DPYD: variants seen among roughly 807,000 people sequenced by gnomAD.
DPYD encodes the protein dihydropyrimidine dehydrogenase, also known as dihydropyrimidine dehydrogenase [NADP(+)].
Under a neutral mutation model 116.2 loss-of-function variants are expected in DPYD, and 109 were observed. That is an observed-to-expected ratio of 0.94 (90% CI 0.80 to 1.10). DPYD has a LOEUF of 1.10. DPYD is among the 50% of genes least tolerant of loss of function. DPYD has a pLI of 0.00. For synonymous variants in DPYD, 440 were observed against 432.0 expected, an observed-to-expected ratio of 1.02 and a Z score of -0.23; for missense variants, 1,302 against 1,254.5, an observed-to-expected ratio of 1.04 and a Z score of -0.57.
intron 14 of DPYD, among the ~76,000 whole-genome samples, chr1:97,418,464 C>A (rs931218342): frequency 3.3e-5 from 5 of 151,978 alleles, no homozygotes; most frequent in Non-Finnish European, 4.4e-5. Flanking sequence ...CCACACCCAG[C>A]TAATTTTTGT....
chr1:97,161,003 GC>G (rs1655854240), intron 20 of DPYD, among the ~76,000 whole-genome samples: 1 of 152,074 alleles, frequency 6.6e-6, no homozygotes, highest in African/African-American at 2.4e-5. Flanking sequence ...CCCAACCATA[GC>G]AAAGCCTGCT....
chr1:97,331,714 G>A (rs1430303112), intron 16 of DPYD, among the ~76,000 whole-genome samples: 1 of 152,124 alleles, frequency 6.6e-6, no homozygotes, highest in African/African-American at 2.4e-5. Context: ...TTTAGCTTTT[G>A]CTACAAATTA....
intron 8 of DPYD, among the ~76,000 whole-genome samples, chr1:97,651,501 T>G (rs1242559222): frequency 3.3e-5 from 5 of 152,174 alleles, no homozygotes; most frequent in Non-Finnish European, 5.9e-5. Context: ...AAGGCTGCCG[T>G]TCATTAATCA....
In DPYD at chr1:97,505,861, A is replaced by G. The variant is rs556893001; in HGVS notation, c.1740+9865T>C. Among the ~76,000 whole-genome samples, 23 of 152,092 alleles carry G rather than the reference A, an allele frequency of 1.5e-4. No individual in the cohort carries two copies. The South Asian group carries it at 4.6e-3, about 30-fold the overall frequency. The stretch of plus-strand genomic sequence containing the variant: ...AGAAACTGTTTCAGACACATGAGAT[A>G]TTGTAGAAAAACATGCAAATGAGGA... On this transcript the variant is annotated intron_variant, in intron 13 of 22. Transcript: ENST00000370192.
At chr1:97,318,727 G>A (rs1270410255) in intron 16 of DPYD, among the ~76,000 whole-genome samples, 33 of 148,664 alleles carry the variant, frequency 2.2e-4, no homozygotes, top group South Asian at 6.5e-4. Context: ...TGCACCAAGC[G>A]GACCTAATAG....
chr1:97,552,905 C>A (rs1651431363), intron 11 of DPYD, among the ~76,000 whole-genome samples: 1 of 151,920 alleles, frequency 6.6e-6, no homozygotes, highest in African/African-American at 2.4e-5. Context: ...GATCACACAG[C>A]TGGTTATGAG....
rs561361224 is a variant in DPYD, at chr1:97,822,593, A to G, written c.233+5521T>C. ...TAATATATTCCTAGAAGGTAAATTA[A>G]TACAAAAAAAAGTATGTTTGTTTTA... On this transcript the variant is annotated intron_variant, in intron 3 of 22. Coordinates refer to ENST00000370192, the MANE Select transcript of DPYD (RefSeq NM_000110.4). Among the ~76,000 whole-genome samples the G allele has an allele frequency of 1.2e-3, 187 of 152,108 alleles. No individual in the cohort carries two copies. In the Middle Eastern group the frequency reaches 0.024, roughly 19 times the overall value.
At chr1:97,565,259 A>G (rs1370479449) in intron 11 of DPYD, among the ~76,000 whole-genome samples, 1 of 151,458 alleles carries the variant, frequency 6.6e-6, no homozygotes, top group Non-Finnish European at 1.5e-5. Context: ...TTATTTTCTA[A>G]CCCCCAACTA....
chr1:97,550,376 T>C (rs12144202), intron 11 of DPYD, among the ~76,000 whole-genome samples: 4 of 152,132 alleles, frequency 2.6e-5, no homozygotes, highest in African/African-American at 4.8e-5. Context: ...CTTGTGGAAA[T>C]TGCTCTGTAA....
chr1:97,918,099 A>T (rs180767628), intron 1 of DPYD, among the ~76,000 whole-genome samples: 78 of 152,316 alleles, frequency 5.1e-4, no homozygotes, highest in African/African-American at 1.9e-3. Flanking sequence ...ACAAAGCAAA[A>T]TAACTTCTAA....
At chr1:97,845,860 A>C (rs914320272) in intron 2 of DPYD, among the ~76,000 whole-genome samples, 4 of 152,142 alleles carry the variant, frequency 2.6e-5, no homozygotes, top group African/African-American at 9.7e-5. Context: ...GTGTGGGTGC[A>C]TACAGCAGAT....
intron 3 of DPYD, among the ~76,000 whole-genome samples, chr1:97,807,072 A>G (rs372388125): frequency 4.0e-4 from 61 of 152,188 alleles, no homozygotes; most frequent in African/African-American, 1.3e-3. Context: ...TCTAAAGAAC[A>G]TATTGGTTAG....
In DPYD at chr1:97,482,665, C is replaced by T. The variant is rs965980696; in HGVS notation, c.1741-32442G>A. ...GACAGCAAATTTAGTTTTTGTAATA[C>T]GAGTAGCCATTAAAGAGAACAGTTA... On this transcript the variant is annotated intron_variant, in intron 13 of 22. Transcript: ENST00000370192. Among the ~76,000 whole-genome samples the T allele has an allele frequency of 6.6e-5, 10 of 152,148 alleles. No homozygotes were observed. The South Asian group carries it at 8.3e-4, about 13-fold the overall frequency.
At chr1:97,604,116 T>G (rs929491814) in intron 8 of DPYD, among the ~76,000 whole-genome samples, 6 of 152,148 alleles carry the variant, frequency 3.9e-5, no homozygotes, top group Non-Finnish European at 5.9e-5. Flanking sequence ...CTGCTGGAAT[T>G]TGTTTTCTAC....
At chr1:97,478,842 G>A (rs1678142999) in intron 13 of DPYD, among the ~76,000 whole-genome samples, 1 of 152,190 alleles carries the variant, frequency 6.6e-6, no homozygotes, top group South Asian at 2.1e-4. Context: ...GATCGGGATA[G>A]CTCACTGCAG....
chr1:97,695,395 C>T (rs920298437), intron 6 of DPYD, among the ~76,000 whole-genome samples: 1 of 146,370 alleles, frequency 6.8e-6, no homozygotes, highest in Non-Finnish European at 1.5e-5. Context: ...GCTAGGTATA[C>T]CACTAATCCA....
intron 18 of DPYD, among the ~76,000 whole-genome samples, chr1:97,299,335 G>A (rs1666728249): frequency 6.6e-6 from 1 of 152,050 alleles, no homozygotes; most frequent in African/African-American, 2.4e-5. Flanking sequence ...TGCTGCAAAG[G>A]TAAGTTTTCT....
chr1:97,383,498 A>G (rs1672109382), intron 14 of DPYD, among the ~76,000 whole-genome samples: 1 of 151,380 alleles, frequency 6.6e-6, no homozygotes, highest in Admixed American at 6.6e-5. Context: ...AGAAAAAAAG[A>G]AAAAAAGAAA....
intron 8 of DPYD, among the ~76,000 whole-genome samples, chr1:97,646,341 T>C (rs1658259090): frequency 6.6e-6 from 1 of 151,912 alleles, no homozygotes; most frequent in Non-Finnish European, 1.5e-5. Flanking sequence ...ATTTTCCTCC[T>C]TTCCATATCA....
Sources: allele counts gnomAD v4.1 joint callset (sites outside exome capture counted in the v4.1 genomes callset), GRCh38; gene constraint gnomAD v4.1.1; transcripts MANE v1.5; gene names NCBI Gene and HGNC (gene_info 2026-07-23, HGNC 2026-07-21).